Variants in CUX1 observed in about 807,000 individuals in gnomAD.
CUX1 encodes the protein protein CASP.
Under a neutral mutation model 158.8 loss-of-function variants are expected in CUX1, and 31 were observed. The ratio of observed to expected loss-of-function variants is 0.20; its 90% confidence interval spans 0.15 to 0.26. The LOEUF is 0.26. CUX1 is among the 10% of genes least tolerant of loss of function. The probability of loss-of-function intolerance (pLI) is 1.00; values close to 1 mark genes in which losing one functional copy is unlikely to be tolerated. For missense variants in CUX1, 1,589 were observed against 2,014.6 expected (o/e 0.79, Z 4.04); for synonymous variants, 879 against 862.1 (o/e 1.02, Z -0.34).
intron 1 of CUX1, among the ~76,000 whole-genome samples, chr7:101,868,965 C>A (rs1485059224): frequency 6.6e-6 from 1 of 152,168 alleles, no homozygotes; most frequent in Non-Finnish European, 1.5e-5. Context: ...AGAGGAGAGG[C>A]CCCTGGATGC....
chr7:102,123,414 C>G (rs1424638433), intron 8 of CUX1, among the ~76,000 whole-genome samples: 2 of 151,642 alleles, frequency 1.3e-5, no homozygotes, highest in African/African-American at 2.4e-5. Flanking sequence ...TTGAGACCAT[C>G]CTGGCTAACA....
intron 1 of CUX1, among the ~76,000 whole-genome samples, chr7:101,887,896 T>C (rs1800413466): frequency 6.6e-6 from 1 of 151,624 alleles, no homozygotes; most frequent in South Asian, 2.1e-4. Context: ...CGGATCTCTT[T>C]TGGTTTACGG....
intron 2 of CUX1, among the ~76,000 whole-genome samples, chr7:101,949,298 A>G (rs981591954): frequency 2.0e-5 from 3 of 151,100 alleles, no homozygotes; most frequent in Non-Finnish European, 4.4e-5. Flanking sequence ...CGCCTGGCTA[A>G]TTTTTTGTAT....
chr7:101,849,365 T>TC (rs1584752975), intron 1 of CUX1, among the ~76,000 whole-genome samples: 2 of 152,042 alleles, frequency 1.3e-5, no homozygotes, highest in South Asian at 4.2e-4. Flanking sequence ...AGTGTGTTTT[T>TC]CCCCCCTCTC....
intron 8 of CUX1, among the ~76,000 whole-genome samples, chr7:102,127,189 A>G (rs1436849136): frequency 6.6e-6 from 1 of 152,134 alleles, no homozygotes; most frequent in African/African-American, 2.4e-5. Flanking sequence ...CCCCTGATCT[A>G]TATAGTGCTT....
rs979519006 is a variant in CUX1, at chr7:102,250,234, C to T, written c.*1192C>T. On this transcript the variant is annotated 3_prime_UTR_variant, in exon 24 of 24. Transcript: ENST00000292535. ...TTTATGGTGTCTCAATCTGTCTGTG[C>T]GTCTGCACGTGTGCAAGCATTGAAA... The T allele has an allele frequency of 1.4e-5, 14 of 985,276 alleles. No individual in the cohort carries two copies. Among genetic ancestry groups the T allele is most frequent in the African/African-American group, 3.5e-5 (2 of 57,224 alleles). The allele number at this position is 985,276 out of a possible 1,614,324, so 61.0% of individuals were successfully genotyped here. A position where few individuals can be genotyped will look rare whatever the true frequency, so the allele number is the denominator to read the frequency against.
intron 4 of CUX1, among the ~76,000 whole-genome samples, chr7:102,090,494 T>C (rs937252129): frequency 1.3e-5 from 2 of 152,116 alleles, no homozygotes; most frequent in African/African-American, 4.8e-5. Context: ...TTCATGCCAT[T>C]CTCCTGCCTC....
At chr7:102,161,963 G>T (rs1314469550) in intron 9 of CUX1, among the ~76,000 whole-genome samples, 1 of 152,124 alleles carries the variant, frequency 6.6e-6, no homozygotes, top group Non-Finnish European at 1.5e-5. Flanking sequence ...TCCTTGGAGT[G>T]CATTCAGAGA....
rs114207810 is a variant in CUX1, at chr7:101,926,707, G to A, written c.141+10482G>A. Among the ~76,000 whole-genome samples, 1,213 of 152,252 alleles carry A rather than the reference G, an allele frequency of 8.0e-3. 15 individuals carry two copies. The highest frequency in any genetic ancestry group is 0.028 in the African/African-American group (1,145 of 41,544). On this transcript the variant is annotated intron_variant, in intron 2 of 23. Transcript: ENST00000292535. ...GAACGCATAACTAGTAAGTGGTGAC[G>A]TGCAGTGACCTTGAGCAAGGTCAAA...
intron 8 of CUX1, among the ~76,000 whole-genome samples, chr7:102,137,843 T>A (rs1428291914): frequency 1.3e-5 from 2 of 152,192 alleles, no homozygotes; most frequent in South Asian, 4.1e-4. Flanking sequence ...ATGCTACATA[T>A]AATATTGATT....
At chr7:101,927,914 C>T (rs1032497892) in intron 2 of CUX1, among the ~76,000 whole-genome samples, 9 of 152,216 alleles carry the variant, frequency 5.9e-5, no homozygotes, top group Admixed American at 4.6e-4. Context: ...GCAGGCCCTG[C>T]TTTCCTTCCG....
chr7:101,875,839 T>C (rs562261982), intron 1 of CUX1, among the ~76,000 whole-genome samples: 38 of 152,304 alleles, frequency 2.5e-4, no homozygotes, highest in South Asian at 6.2e-4. Flanking sequence ...CTTTTTTTTT[T>C]TCCCAAAATG....
At position 101,948,126 on chromosome 7, in the gene CUX1, C is replaced by T. The variant is rs377700356; in HGVS notation, c.141+31901C>T. Among the ~76,000 whole-genome samples, 40 of 152,316 alleles carry T rather than the reference C, an allele frequency of 2.6e-4. 1 individual carries two copies. In the East Asian group the frequency reaches 3.7e-3, roughly 14 times the overall value. On this transcript the variant is annotated intron_variant, in intron 2 of 23. Coordinates refer to ENST00000292535, the MANE Select transcript of CUX1 (RefSeq NM_181552.4). ...ATTCGGCCAGGCGCCAAGAAATCAG[C>T]CCCAATTACTATATTCACATTGTCA...
chr7:102,099,178 T>G (rs1476572670), intron 5 of CUX1, among the ~76,000 whole-genome samples: 4 of 152,180 alleles, frequency 2.6e-5, no homozygotes, highest in African/African-American at 9.7e-5. Context: ...CAGGCCAGCA[T>G]AGCTTCCTTG....
At chr7:102,239,190 T>G in intron 22 of CUX1, 130 bp from the exon 23 acceptor site, 1 of 1,083,446 alleles carries the variant, frequency 9.2e-7, no homozygotes, top group Non-Finnish European at 1.3e-6. Context: ...CCCAGCCTCA[T>G]CTTAGTGTTT....
chr7:102,049,159 C>T (rs919797121), intron 3 of CUX1, among the ~76,000 whole-genome samples: 9 of 152,216 alleles, frequency 5.9e-5, no homozygotes, highest in African/African-American at 2.2e-4. Context: ...TGGGAAAGGC[C>T]TGCCATGGTT....
At chr7:102,016,792 C>G (rs1286659556) in intron 2 of CUX1, among the ~76,000 whole-genome samples, 3 of 152,204 alleles carry the variant, frequency 2.0e-5, no homozygotes, top group African/African-American at 7.2e-5. Flanking sequence ...TACGGATAGA[C>G]TCCTGAAAGT....
At chr7:102,119,641 A>C (rs948187343) in intron 8 of CUX1, among the ~76,000 whole-genome samples, 1 of 152,222 alleles carries the variant, frequency 6.6e-6, no homozygotes, top group Admixed American at 6.5e-5. Flanking sequence ...GTTGTTGTGT[A>C]AGAGGATTGC....
At chr7:102,193,660 C>A (rs1794502246) in intron 12 of CUX1, among the ~76,000 whole-genome samples, 182 bp from the exon 13 acceptor site, 1 of 152,118 alleles carries the variant, frequency 6.6e-6, no homozygotes, top group Admixed American at 6.6e-5. Context: ...CAAAAATTAG[C>A]TGGGCATGAT....
Sources: allele counts gnomAD v4.1 joint callset (sites outside exome capture counted in the v4.1 genomes callset), GRCh38; gene constraint gnomAD v4.1.1; transcripts MANE v1.5; gene names NCBI Gene and HGNC (gene_info 2026-07-23, HGNC 2026-07-21).